The following TM9SF2 variants were observed in gnomAD, a reference collection of about 807,000 sequenced individuals.
TM9SF2 encodes the protein 76 kDa membrane protein.
TM9SF2 carries 13 observed loss-of-function variants against 84.9 expected under a neutral mutation model. The ratio of observed to expected loss-of-function variants is 0.15; its 90% confidence interval spans 0.10 to 0.24. The LOEUF (loss-of-function observed/expected upper bound fraction) is 0.24, where lower values mean the gene tolerates loss of function less well. Ranked by LOEUF, TM9SF2 falls within the 10% of genes least tolerant of loss-of-function variation. The pLI, the probability that TM9SF2 is intolerant of heterozygous loss-of-function variation, is 1.00. For synonymous variants in TM9SF2, 273 were observed against 285.8 expected, an observed-to-expected ratio of 0.96 and a Z score of 0.45; for missense variants, 562 against 818.5, an observed-to-expected ratio of 0.69 and a Z score of 3.82.
intron 1 of TM9SF2, among the ~76,000 whole-genome samples, chr13:99,502,577 A>G (rs2046071371): frequency 6.6e-6 from 1 of 152,222 alleles, no homozygotes; most frequent in African/African-American, 2.4e-5. Context: ...ATCTCTTACA[A>G]CATTCACACT....
chr13:99,548,912 G>T (rs1435264954), intron 11 of TM9SF2, among the ~76,000 whole-genome samples: 1 of 152,110 alleles, frequency 6.6e-6, no homozygotes, highest in Non-Finnish European at 1.5e-5. Flanking sequence ...GGTTGTGAGG[G>T]GAAAAGAAGA....
At chr13:99,550,948 T>A (rs2046303585) in intron 12 of TM9SF2, among the ~76,000 whole-genome samples, 1 of 152,236 alleles carries the variant, frequency 6.6e-6, no homozygotes, top group Non-Finnish European at 1.5e-5. Context: ...GGATTTCATC[T>A]TATTATTTAT....
chr13:99,525,904 TGATCAGTA>T (rs767638518), intron 3 of TM9SF2, among the ~76,000 whole-genome samples: 1 of 152,068 alleles, frequency 6.6e-6, no homozygotes, highest in Non-Finnish European at 1.5e-5. Context: ...TGGATGAGTG[TGATCAGTA>T]GATACGGGAA....
At chr13:99,549,113 G>A in intron 11 of TM9SF2, 52 bp from the exon 12 acceptor site, 2 of 1,504,452 alleles carry the variant, frequency 1.3e-6, no homozygotes, top group Non-Finnish European at 1.8e-6. Context: ...ATGGATATTT[G>A]GTTTGCTTTA....
intron 4 of TM9SF2, among the ~76,000 whole-genome samples, chr13:99,532,582 C>G (rs1329101946): frequency 6.6e-6 from 1 of 151,906 alleles, no homozygotes; most frequent in South Asian, 2.1e-4. Flanking sequence ...CCCAGCTACT[C>G]GGGAGGCTGA....
intron 15 of TM9SF2, among the ~76,000 whole-genome samples, chr13:99,556,394 C>T (rs2046324571): frequency 6.6e-6 from 1 of 152,162 alleles, no homozygotes; most frequent in South Asian, 2.1e-4. Flanking sequence ...AGCAGTTGCT[C>T]CTCATTCCTC....
intron 1 of TM9SF2, among the ~76,000 whole-genome samples, chr13:99,512,204 TA>T (rs2046116332): frequency 6.6e-6 from 1 of 152,238 alleles, no homozygotes; most frequent in Non-Finnish European, 1.5e-5. Flanking sequence ...TTTAAGATAA[TA>T]GATTACAGCT....
chr13:99,514,154 A>T (rs2046124603), intron 1 of TM9SF2: 2 of 152,360 alleles, frequency 1.3e-5, no homozygotes, highest in South Asian at 4.1e-4. Context: ...CATCATAGCC[A>T]TTGTAACATC....
chr13:99,512,406 G>A (rs764399957), intron 1 of TM9SF2, among the ~76,000 whole-genome samples: 2 of 152,196 alleles, frequency 1.3e-5, no homozygotes, highest in African/African-American at 2.4e-5. Context: ...TCTTTCTAAG[G>A]AGAATTGGAA....
chr13:99,547,529 C>T (rs2046287856), intron 11 of TM9SF2, among the ~76,000 whole-genome samples: 1 of 152,164 alleles, frequency 6.6e-6, no homozygotes, highest in Non-Finnish European at 1.5e-5. Flanking sequence ...GTCATACTTA[C>T]ATTGTATCAA....
At chr13:99,507,178 A>G (rs1468651602) in intron 1 of TM9SF2, among the ~76,000 whole-genome samples, 2 of 152,204 alleles carry the variant, frequency 1.3e-5, no homozygotes, top group Admixed American at 6.5e-5. Flanking sequence ...GTACAAAGCT[A>G]GTAAGTATTA....
intron 1 of TM9SF2, among the ~76,000 whole-genome samples, chr13:99,508,439 A>C (rs1397273696): frequency 5.3e-5 from 8 of 151,448 alleles, no homozygotes; most frequent in Admixed American, 2.0e-4. Flanking sequence ...ACACACACAC[A>C]CACACCCCAG....
intron 12 of TM9SF2, among the ~76,000 whole-genome samples, chr13:99,551,511 T>C (rs1050309871): frequency 1.3e-5 from 2 of 152,204 alleles, no homozygotes; most frequent in African/African-American, 4.8e-5. Flanking sequence ...GGTCCCAGGT[T>C]AGGGAAGGCT....
At chr13:99,551,561 A>G (rs1361151759) in intron 12 of TM9SF2, among the ~76,000 whole-genome samples, 1 of 152,228 alleles carries the variant, frequency 6.6e-6, no homozygotes, top group Non-Finnish European at 1.5e-5. Context: ...TAAAAGGGAA[A>G]GTGGTTGCGC....
At chr13:99,554,756 G>A (rs750201326) in intron 14 of TM9SF2, among the ~76,000 whole-genome samples, 104 of 152,302 alleles carry the variant, frequency 6.8e-4, no homozygotes, top group Admixed American at 1.3e-3. Flanking sequence ...ATGAGGCTTT[G>A]TAAGTTGAGT....
chr13:99,535,144 C>A (rs927515695), intron 4 of TM9SF2, among the ~76,000 whole-genome samples: 7 of 151,930 alleles, frequency 4.6e-5, no homozygotes, highest in Non-Finnish European at 8.8e-5. Flanking sequence ...AGAGCAAGAC[C>A]CTGTCTCGAG....
intron 16 of TM9SF2, among the ~76,000 whole-genome samples, chr13:99,562,003 C>A (rs958240661): frequency 1.3e-5 from 2 of 152,152 alleles, no homozygotes; most frequent in Admixed American, 1.3e-4. Flanking sequence ...TGAATTATCT[C>A]ATTTACTCTA....
At chr13:99,530,204 C>T (rs1424935691) in intron 4 of TM9SF2, among the ~76,000 whole-genome samples, 1 of 152,064 alleles carries the variant, frequency 6.6e-6, no homozygotes, top group Non-Finnish European at 1.5e-5. Flanking sequence ...GCGGTTGGAT[C>T]ACGAGGTCAG....
At chr13:99,549,083 G>A (rs1194423337) in intron 11 of TM9SF2, 82 bp from the exon 12 acceptor site, 15 of 1,187,108 alleles carry the variant, frequency 1.3e-5, no homozygotes, top group East Asian at 9.4e-5. Context: ...TGACAGTTTG[G>A]CAAATATCAG....
Sources: allele counts gnomAD v4.1 joint callset (sites outside exome capture counted in the v4.1 genomes callset), GRCh38; gene constraint gnomAD v4.1.1; transcripts MANE v1.5; gene names NCBI Gene and HGNC (gene_info 2026-07-23, HGNC 2026-07-21).